Variants in UBE3D observed in about 807,000 individuals in gnomAD.
The protein encoded by UBE3D is E3 ubiquitin-protein ligase E3D.
UBE3D carries 48 observed loss-of-function variants against 49.6 expected under a neutral mutation model. The ratio of observed to expected loss-of-function variants is 0.97; its 90% CI spans 0.77 to 1.23. UBE3D has a LOEUF of 1.23. Among genes scored for constraint, UBE3D ranks in the 50% most tolerant of loss-of-function variants. The pLI is 0.00. For missense variants in UBE3D, 452 were observed against 468.4 expected (o/e 0.96, Z 0.32); for synonymous variants, 189 against 174.2 (o/e 1.08, Z -0.67).
chr6:83,005,979 C>T (rs138257511), intron 8 of UBE3D, among the ~76,000 whole-genome samples: 1 of 152,024 alleles, frequency 6.6e-6, no homozygotes, highest in Non-Finnish European at 1.5e-5. Flanking sequence ...AATCCCAGTA[C>T]GTTGGGAGGC....
chr6:82,996,311 A>AAAATAAAT (rs148895876), intron 8 of UBE3D, among the ~76,000 whole-genome samples: 21 of 148,690 alleles, frequency 1.4e-4, no homozygotes, highest in Non-Finnish European at 1.9e-4. Context: ...TTTGAGCAAC[A>AAAATAAAT]AAATAAATAA....
intron 8 of UBE3D, among the ~76,000 whole-genome samples, chr6:82,982,671 C>G (rs907962534): frequency 1.3e-5 from 2 of 152,180 alleles, no homozygotes; most frequent in South Asian, 4.1e-4. Flanking sequence ...GGGTTATACA[C>G]TTCTGTCAGG....
intron 6 of UBE3D, among the ~76,000 whole-genome samples, chr6:83,023,593 T>C (rs1781250864): frequency 6.6e-6 from 1 of 152,222 alleles, no homozygotes; most frequent in Non-Finnish European, 1.5e-5. Context: ...GCATCCTGGA[T>C]GTAACTGGAG....
intron 9 of UBE3D, among the ~76,000 whole-genome samples, chr6:82,941,563 T>C (rs927136350): frequency 6.6e-6 from 1 of 152,088 alleles, no homozygotes; most frequent in Non-Finnish European, 1.5e-5. Flanking sequence ...TAAGTTATTA[T>C]ATTATTATTT....
At chr6:82,903,310 G>T (rs1431894584) in intron 9 of UBE3D, among the ~76,000 whole-genome samples, 1 of 152,068 alleles carries the variant, frequency 6.6e-6, no homozygotes, top group Admixed American at 6.6e-5. Flanking sequence ...TGAGAAGAAA[G>T]TAGATTACTT....
rs143023016 is a variant in UBE3D, at chr6:82,931,555, T to C, written c.1149+25757A>G. The stretch of plus-strand genomic sequence containing the variant: ...TGGGAGCCCACCTCTTGCATCAGCA[T>C]GACCTGGATGTGAGACATGGAGTCA... On this transcript the variant is annotated intron_variant, in intron 9 of 9. Coordinates refer to ENST00000369747, the MANE Select transcript of UBE3D (RefSeq NM_198920.3). Among the ~76,000 whole-genome samples, 280 of 152,364 alleles carry C rather than the reference T, an allele frequency of 1.8e-3. 1 individual carries two copies. Among genetic ancestry groups the C allele is most frequent in the Non-Finnish European group, 3.2e-3 (217 of 68,032 alleles).
At chr6:82,934,214 A>G (rs991261084) in intron 9 of UBE3D, among the ~76,000 whole-genome samples, 1 of 152,134 alleles carries the variant, frequency 6.6e-6, no homozygotes, top group Non-Finnish European at 1.5e-5. Context: ...CCCTTCCACC[A>G]TGATTATAAA....
chr6:83,005,878 G>A (rs1483487276), intron 8 of UBE3D, among the ~76,000 whole-genome samples: 1 of 152,090 alleles, frequency 6.6e-6, no homozygotes, highest in African/African-American at 2.4e-5. Flanking sequence ...AATGAAATAA[G>A]CTAGTCACAA....
At chr6:82,950,330 G>C (rs989997923) in intron 9 of UBE3D, among the ~76,000 whole-genome samples, 1 of 152,192 alleles carries the variant, frequency 6.6e-6, no homozygotes, top group African/African-American at 2.4e-5. Flanking sequence ...TCTCACACCA[G>C]TTAAAATGGC....
chr6:82,995,097 G>A (rs1179904007), intron 8 of UBE3D, among the ~76,000 whole-genome samples: 1 of 152,036 alleles, frequency 6.6e-6, no homozygotes, highest in Admixed American at 6.5e-5. Flanking sequence ...AAATGAGAAG[G>A]AAAAAGGGAA....
At chr6:82,974,899 A>G (rs188936912) in intron 8 of UBE3D, among the ~76,000 whole-genome samples, 48 of 152,268 alleles carry the variant, frequency 3.2e-4, no homozygotes, top group East Asian at 3.1e-3. Context: ...TAAAGTGAGG[A>G]AAGCTTATAA....
the UBE3D span, among the ~76,000 whole-genome samples, chr6:82,885,456 C>G: frequency 1.3e-4 from 20 of 152,154 alleles, no homozygotes; most frequent in African/African-American, 4.8e-4. Flanking sequence ...AGGTGCTGTT[C>G]TAGACATTAT....
chr6:83,001,485 T>C (rs982756055), intron 8 of UBE3D, among the ~76,000 whole-genome samples: 11 of 152,226 alleles, frequency 7.2e-5, no homozygotes, highest in African/African-American at 2.7e-4. Flanking sequence ...GAAAATGCCT[T>C]ATCCCTTTAT....
intron 3 of UBE3D, 32 bp from the exon 4 acceptor site, chr6:83,044,691 G>C (rs9449571): frequency 2.0e-6 from 3 of 1,505,284 alleles, no homozygotes; most frequent in Non-Finnish European, 2.8e-6. Flanking sequence ...ATTTTTCACA[G>C]AACAAAATGA....
intron 3 of UBE3D, 39 bp from the exon 4 acceptor site, chr6:83,044,698 A>G (rs1339752718): frequency 5.4e-6 from 8 of 1,469,628 alleles, no homozygotes; most frequent in Admixed American, 1.8e-5. Flanking sequence ...ACAGAACAAA[A>G]TGATACTAAC....
intron 9 of UBE3D, among the ~76,000 whole-genome samples, chr6:82,919,400 G>A (rs1266172104): frequency 2.6e-5 from 4 of 151,506 alleles, no homozygotes; most frequent in East Asian, 2.0e-4. Context: ...TCAGGAGATC[G>A]AGACCATCCT....
intron 8 of UBE3D, among the ~76,000 whole-genome samples, chr6:83,007,430 C>T (rs1166913864): frequency 6.6e-6 from 1 of 152,138 alleles, no homozygotes; most frequent in Non-Finnish European, 1.5e-5. Context: ...ATAAAAAACA[C>T]TTCTTTACTC....
At chr6:82,890,767 T>C (rs1185688637), downstream of UBE3D, among the ~76,000 whole-genome samples, 2 of 152,196 alleles carry the variant, frequency 1.3e-5, no homozygotes, top group African/African-American at 2.4e-5. Context: ...GAGGCAAGGT[T>C]AGAAAATTAG....
At chr6:83,024,301 A>T (rs747523978) in intron 5 of UBE3D, among the ~76,000 whole-genome samples, 6 of 152,222 alleles carry the variant, frequency 3.9e-5, no homozygotes, top group Non-Finnish European at 8.8e-5. Context: ...TATAAAAGTT[A>T]GTCACATCAC....
Sources: allele counts gnomAD v4.1 joint callset (sites outside exome capture counted in the v4.1 genomes callset), GRCh38; gene constraint gnomAD v4.1.1; transcripts MANE v1.5; gene names NCBI Gene and HGNC (gene_info 2026-07-23, HGNC 2026-07-21).